ADAMTS6: variants seen among roughly 807,000 people sequenced by gnomAD.
ADAMTS6 encodes the protein A disintegrin and metalloproteinase with thrombospondin motifs 6.
Under a neutral mutation model 144.3 loss-of-function variants are expected in ADAMTS6, and 23 were observed. That is an observed-to-expected ratio of 0.16 (90% CI 0.11 to 0.23). ADAMTS6 has a LOEUF of 0.23. ADAMTS6 is among the 10% of genes least tolerant of loss of function. The pLI is 1.00. For missense variants in ADAMTS6, 999 were observed against 1,379.6 expected (o/e 0.72, Z 4.37); for synonymous variants, 444 against 457.5 (o/e 0.97, Z 0.38).
rs535050714 is a variant in ADAMTS6, at chr5:65,465,111, T to C, written c.463-4773A>G. On this transcript the variant is annotated intron_variant, in intron 3 of 24. Transcript: ENST00000381055. ...GCTGACTGGTCTCACTTTAGATTCA[T>C]TAATAATTTTAACTGTAACTGTAAT... Among the ~76,000 whole-genome samples, 662 of 152,334 alleles carry C rather than the reference T, an allele frequency of 4.3e-3. 5 individuals are homozygous for C. Among genetic ancestry groups the C allele is most frequent in the African/African-American group, 0.015 (606 of 41,570 alleles).
intron 7 of ADAMTS6, among the ~76,000 whole-genome samples, chr5:65,410,235 T>C (rs892815515): frequency 5.3e-5 from 8 of 152,154 alleles, no homozygotes; most frequent in African/African-American, 1.9e-4. Context: ...GCAACAAAAG[T>C]CAATGTATTA....
At chr5:65,359,395 T>C (rs1224324747) in intron 7 of ADAMTS6, among the ~76,000 whole-genome samples, 3 of 152,010 alleles carry the variant, frequency 2.0e-5, no homozygotes, top group East Asian at 3.9e-4. Flanking sequence ...TATCATCAAA[T>C]AGACAAAAGA....
chr5:65,161,606 TA>T (rs1752787763), intron 24 of ADAMTS6, among the ~76,000 whole-genome samples: 1 of 152,180 alleles, frequency 6.6e-6, no homozygotes, highest in Non-Finnish European at 1.5e-5. Flanking sequence ...TTTTTTGAAT[TA>T]AAAAAATTTT....
chr5:65,224,747 C>T (rs180899162), intron 17 of ADAMTS6, among the ~76,000 whole-genome samples, 177 bp downstream of exon 17: 26 of 152,270 alleles, frequency 1.7e-4, no homozygotes, highest in African/African-American at 5.8e-4. Context: ...GAGAATATTT[C>T]CTTAAAATAT....
chr5:65,163,061 C>T (rs1231619001), intron 24 of ADAMTS6, among the ~76,000 whole-genome samples: 1 of 152,086 alleles, frequency 6.6e-6, no homozygotes. Context: ...AGCCACATAC[C>T]ACCATGCCTA....
intron 1 of ADAMTS6, among the ~76,000 whole-genome samples, chr5:65,478,372 T>C (rs1760981216): frequency 6.6e-6 from 1 of 152,192 alleles, no homozygotes; most frequent in South Asian, 2.1e-4. Context: ...CATTGACCTT[T>C]TAAATTGTAT....
In ADAMTS6 at chr5:65,377,022, T is replaced by C. The variant is rs192142786; in HGVS notation, c.1074-42937A>G. ...CTACCTCATGGAAGACTTATATATA[T>C]ATAAATATACTCAACAAGAAAAACA... On this transcript the variant is annotated intron_variant, in intron 7 of 24. Coordinates refer to ENST00000381055, the MANE Select transcript of ADAMTS6 (RefSeq NM_197941.4). Among the ~76,000 whole-genome samples, 5 of 152,082 alleles carry C rather than the reference T, an allele frequency of 3.3e-5. No homozygotes were observed. The East Asian group carries it at 9.6e-4, about 29-fold the overall frequency.
chr5:65,333,760 T>C (rs1355992135), intron 8 of ADAMTS6, among the ~76,000 whole-genome samples: 1 of 151,654 alleles, frequency 6.6e-6, no homozygotes, highest in Non-Finnish European at 1.5e-5. Context: ...CTTTAATGAA[T>C]TTGAATCATA....
rs573607656 is a variant in ADAMTS6 at position 65,317,678 on chromosome 5, C to T, written c.1223+11700G>A. On this transcript the variant is annotated intron_variant, in intron 9 of 24. Transcript: ENST00000381055. ...TATCCATCTGACAAAGGATTAATAACCAGAATATATAAAGAGCTCAAACAA... is the reference window on the plus strand; with the variant it reads ...TATCCATCTGACAAAGGATTAATAATCAGAATATATAAAGAGCTCAAACAA... Among the ~76,000 whole-genome samples the T allele has an allele frequency of 3.7e-3, 561 of 152,156 alleles. 1 individual carries two copies. Among genetic ancestry groups the T allele is most frequent in the African/African-American group, 0.013 (542 of 41,510 alleles).
chr5:65,195,510 T>G (rs558197072), intron 21 of ADAMTS6, among the ~76,000 whole-genome samples: 28 of 152,326 alleles, frequency 1.8e-4, no homozygotes, highest in African/African-American at 6.7e-4. Flanking sequence ...GAGTATCACC[T>G]TTAAGATTCA....
intron 4 of ADAMTS6, among the ~76,000 whole-genome samples, chr5:65,459,169 C>T (rs747427252): frequency 2.6e-5 from 4 of 152,074 alleles, no homozygotes; most frequent in Non-Finnish European, 5.9e-5. Context: ...TGAGCCACCG[C>T]GCCCGGCCTG....
chr5:65,468,952 G>T (rs1047045839), intron 3 of ADAMTS6, among the ~76,000 whole-genome samples: 1 of 152,108 alleles, frequency 6.6e-6, no homozygotes, highest in Middle Eastern at 3.4e-3. Context: ...TATATCAAAG[G>T]CATGCTCTTC....
intron 7 of ADAMTS6, among the ~76,000 whole-genome samples, chr5:65,335,441 T>C (rs191538415): frequency 6.0e-4 from 91 of 152,278 alleles, no homozygotes; most frequent in Middle Eastern, 3.4e-3. Flanking sequence ...CAATTTATCT[T>C]GCAACATAGT....
chr5:65,170,581 T>C, intron 24 of ADAMTS6, 36 bp downstream of exon 24: 3 of 1,608,848 alleles, frequency 1.9e-6, no homozygotes, highest in Non-Finnish European at 2.5e-6. Flanking sequence ...GGTGGGTCAT[T>C]AGAAACCACA....
At chr5:65,278,277 T>C (rs545392209) in intron 11 of ADAMTS6, among the ~76,000 whole-genome samples, 13 of 152,364 alleles carry the variant, frequency 8.5e-5, no homozygotes, top group African/African-American at 2.6e-4. Context: ...ATTGTGCTGC[T>C]ATAAATATAC....
At chr5:65,310,922 T>C (rs1429103461) in intron 9 of ADAMTS6, among the ~76,000 whole-genome samples, 1 of 152,192 alleles carries the variant, frequency 6.6e-6, no homozygotes, top group Non-Finnish European at 1.5e-5. Flanking sequence ...TGCTTTTTGT[T>C]TTGGCTCATG....
rs1272000953 is a variant in ADAMTS6 at position 65,214,573 on chromosome 5, C to T, written c.2575+221G>A. ...AGCACCAGCAGAGACACTCATTGTG[C>T]CAAGATGTATTTTACCAACAAATCT... On this transcript the variant is annotated intron_variant, in intron 20 of 24. Transcript: ENST00000381055. The surrounding 1 kb of genome is among the most constrained non-coding windows in gnomAD (Gnocchi z 4.6). The T allele has an allele frequency of 3.2e-6, 2 of 633,446 alleles. No homozygotes were observed. The highest frequency in any genetic ancestry group is 5.4e-6 in the Non-Finnish European group (2 of 367,834). The allele number at this position is 633,446 out of a possible 1,614,324, so 39.2% of individuals were successfully genotyped here.
At chr5:65,321,281 T>C (rs762531969) in intron 9 of ADAMTS6, among the ~76,000 whole-genome samples, 3 of 152,232 alleles carry the variant, frequency 2.0e-5, no homozygotes, top group Non-Finnish European at 4.4e-5. Context: ...GGTTTTGATT[T>C]GGATTTCTCT....
At chr5:65,158,664 G>C (rs775871438) in intron 24 of ADAMTS6, among the ~76,000 whole-genome samples, 3 of 152,138 alleles carry the variant, frequency 2.0e-5, no homozygotes, top group Non-Finnish European at 2.9e-5. Context: ...GATACCCAGG[G>C]TGGCTTTAAT....
Sources: gnomAD v4.1 joint callset for allele counts (sites outside exome capture counted in the v4.1 genomes callset) on GRCh38, gnomAD v4.1.1 for gene constraint, Gnocchi (gnomAD v3.1) non-coding constraint, MANE v1.5 for transcripts, NCBI Gene and HGNC (gene_info 2026-07-23, HGNC 2026-07-21) for gene names.